Variants in CEACAM21 observed in about 807,000 individuals in gnomAD.
The protein encoded by CEACAM21 is cell adhesion molecule CEACAM21.
Under a neutral mutation model 33.2 loss-of-function variants are expected in CEACAM21, and 38 were observed. The ratio of observed to expected loss-of-function variants is 1.14; its 90% CI spans 0.88 to 1.50. The LOEUF (loss-of-function observed/expected upper bound fraction) is 1.50, where lower values mean the gene tolerates loss of function less well. CEACAM21 is among the 40% of genes most tolerant of loss of function. CEACAM21 has a pLI of 0.00. For missense variants in CEACAM21, 385 were observed against 364.6 expected (o/e 1.06, Z -0.46); for synonymous variants, 156 against 143.0 (o/e 1.09, Z -0.65).
intron 1 of CEACAM21, among the ~76,000 whole-genome samples, chr19:41,557,918 G>C (rs2041636803): frequency 6.6e-6 from 1 of 152,214 alleles, no homozygotes. Context: ...GGGTGGATGA[G>C]ATATTGGTTA....
At chr19:41,583,411 C>T (rs563442312) in intron 3 of CEACAM21, among the ~76,000 whole-genome samples, 72 of 152,340 alleles carry the variant, frequency 4.7e-4, no homozygotes, top group African/African-American at 1.7e-3. Context: ...GCCTGTTACC[C>T]AGTTCCAAAG....
At chr19:41,569,511 G>C (rs1057056291) in intron 2 of CEACAM21, among the ~76,000 whole-genome samples, 3 of 152,168 alleles carry the variant, frequency 2.0e-5, no homozygotes, top group Admixed American at 6.5e-5. Flanking sequence ...GGGATTGCGG[G>C]GGGCGGGTTG....
chr19:41,586,177 A>T lies in CEACAM21; in HGVS notation c.*1-287A>T, dbSNP rs1432925881. ...AGATTCCCCTACCCAGCACCAGGGC[A>T]GCTGCTCTCATCTATGAGGTGAGTG... On this transcript the variant is annotated intron_variant, in intron 6 of 6. Transcript: ENST00000401445. The T allele has an allele frequency of 2.6e-5, 15 of 585,134 alleles. No homozygotes were observed. In the African/African-American group the frequency reaches 2.6e-4, roughly 10 times the overall value. The allele number at this position is 585,134 out of a possible 1,614,324, so 36.2% of individuals were successfully genotyped here. A position where few individuals can be genotyped will look rare whatever the true frequency, so the allele number is the denominator to read the frequency against.
At chr19:41,573,866 A>G (rs1490829971), upstream of CEACAM21, among the ~76,000 whole-genome samples, 1 of 152,232 alleles carries the variant, frequency 6.6e-6, no homozygotes, top group African/African-American at 2.4e-5. Flanking sequence ...ATTGAACTAC[A>G]TCTTTTTTAA....
intron 1 of CEACAM21, among the ~76,000 whole-genome samples, chr19:41,560,902 G>A (rs900048061): frequency 2.0e-5 from 3 of 152,134 alleles, no homozygotes; most frequent in African/African-American, 7.2e-5. Flanking sequence ...AGACAAGGGT[G>A]TTCACCATCC....
chr19:41,559,373 A>G (rs1179555131), intron 1 of CEACAM21, among the ~76,000 whole-genome samples: 1 of 152,214 alleles, frequency 6.6e-6, no homozygotes, highest in East Asian at 1.9e-4. Context: ...TCTTACCAAA[A>G]ATGAAGACTT....
chr19:41,575,040 G>A (rs1470933994), upstream of CEACAM21, among the ~76,000 whole-genome samples: 5 of 152,168 alleles, frequency 3.3e-5, no homozygotes, highest in African/African-American at 9.7e-5. Flanking sequence ...ATGCTACGAC[G>A]TGGATGAATC....
rs1283462176 is a variant in CEACAM21, at chr19:41,585,874, A to G, written c.*3A>G. ...CCTCTGACAGCTCCATCTCCTAGGT[A>G]AGACTGTCCGTTCCCAATCCCATTT... On this transcript the variant is annotated splice_donor_region_variant and intron_variant, in intron 6 of 6. Transcript: ENST00000401445. The G allele has an allele frequency of 6.2e-7, 1 of 1,612,876 alleles. No homozygotes were observed. The highest frequency in any genetic ancestry group is 1.3e-5 in the African/African-American group (1 of 74,968).
At position 41,583,217 on chromosome 19, in the gene CEACAM21, A is replaced by G. The variant is rs377025791; in HGVS notation, c.701-1130A>G. On this transcript the variant is annotated intron_variant, in intron 3 of 6. Coordinates refer to ENST00000401445, the MANE Select transcript of CEACAM21 (RefSeq NM_001098506.4). ...CCACCAATCTCTTTTCTAGAGTATAACAAGAGTCACCTTTGTTCCAGTTCC... is the reference window on the plus strand; with the variant it reads ...CCACCAATCTCTTTTCTAGAGTATAGCAAGAGTCACCTTTGTTCCAGTTCC... Among the ~76,000 whole-genome samples the G allele has an allele frequency of 1.3e-4, 20 of 152,334 alleles. No homozygotes were observed. The East Asian group carries it at 3.3e-3, about 25-fold the overall frequency.
intron 2 of CEACAM21, among the ~76,000 whole-genome samples, chr19:41,566,966 A>C (rs1555788449): frequency 6.6e-6 from 1 of 152,192 alleles, no homozygotes; most frequent in African/African-American, 2.4e-5. Context: ...TCTCTGAATA[A>C]TTTTAAAATC....
At chr19:41,570,481 G>A (rs1344068192) in intron 2 of CEACAM21, among the ~76,000 whole-genome samples, 1 of 152,140 alleles carries the variant, frequency 6.6e-6, no homozygotes, top group Non-Finnish European at 1.5e-5. Flanking sequence ...GCAGTGCTAA[G>A]ATCCCTCTCC....
chr19:41,549,855 A>AT (rs566774468), intron 1 of CEACAM21, among the ~76,000 whole-genome samples: 2 of 151,294 alleles, frequency 1.3e-5, no homozygotes, highest in African/African-American at 2.4e-5. Flanking sequence ...ACCGTGCCCA[A>AT]TTTTTTTTTA....
At position 41,577,277 on chromosome 19, in the gene CEACAM21, G is replaced by A. The variant is rs937758696; in HGVS notation, c.142G>A (p.Gly48Arg). ...IASAPFEVAE[G>R]ENVHLSVVYL... Reference sequence around the variant, plus strand: ...ATCAGCGCCCTTTGAAGTTGCTGAAGGGGAGAATGTTCATCTCTCTGTGGT... The same window carrying A: ...ATCAGCGCCCTTTGAAGTTGCTGAAAGGGAGAATGTTCATCTCTCTGTGGT... The change falls in exon 2 of 7, where the codon GGG (glycine) becomes AGG (arginine). Residue 48 changes from glycine to arginine, a missense_variant. Coordinates refer to ENST00000401445, the MANE Select transcript of CEACAM21 (RefSeq NM_001098506.4). The A allele has an allele frequency of 3.7e-6, 6 of 1,614,024 alleles. No individual in the cohort carries two copies. Among genetic ancestry groups the A allele is most frequent in the Non-Finnish European group, 5.1e-6 (6 of 1,180,024 alleles).
chr19:41,578,770 T>C (rs1234619179), intron 2 of CEACAM21, among the ~76,000 whole-genome samples: 1 of 152,208 alleles, frequency 6.6e-6, no homozygotes, highest in African/African-American at 2.4e-5. Flanking sequence ...TCACTGGACG[T>C]GAAATCATGA....
At chr19:41,561,462 G>A (rs1334569507) in intron 1 of CEACAM21, among the ~76,000 whole-genome samples, 1 of 152,056 alleles carries the variant, frequency 6.6e-6, no homozygotes. Context: ...GGGGGAGAGA[G>A]AGAGAGAGTC....
At position 41,585,843 on chromosome 19, in the gene CEACAM21, A is replaced by G. The variant is rs1555795230; in HGVS notation, c.854A>G (p.His285Arg). The G allele has an allele frequency of 6.8e-6, 11 of 1,612,690 alleles. No homozygotes were observed. The highest frequency in any genetic ancestry group is 5.5e-5 in the South Asian group (5 of 90,672). Residue 285 changes from histidine (H) to arginine (R), a missense_variant, in exon 6 of 7, where the codon CAT (histidine) becomes CGT (arginine). Physicochemically the swap from His to Arg is conservative, Grantham distance 29 (BLOSUM62 0). Transcript: ENST00000401445. ...EQQPPASTPG[H>R]GPSDSSIS is the part of the protein sequence containing the mutation. ...TCACTTTTGTCTCTGTCCCCAGGCCATGGACCCTCTGACAGCTCCATCTCC... is the reference window on the plus strand; with the variant it reads ...TCACTTTTGTCTCTGTCCCCAGGCCGTGGACCCTCTGACAGCTCCATCTCC...
chr19:41,576,229 C>T lies in CEACAM21; in HGVS notation c.-46C>T. 6 of 1,609,766 alleles carry T rather than the reference C, an allele frequency of 3.7e-6. No homozygotes were observed. The highest frequency in any genetic ancestry group is 5.1e-6 in the Non-Finnish European group (6 of 1,176,244). The stretch of plus-strand genomic sequence containing the variant: ...AACCCTGTCTAGAGCGTTCCTGGAG[C>T]CCAAGCTCCTCTCCACAGAGGAGGA... On this transcript the variant is annotated 5_prime_UTR_variant, in exon 1 of 7. Coordinates refer to ENST00000401445, the MANE Select transcript of CEACAM21 (RefSeq NM_001098506.4).
upstream of CEACAM21, among the ~76,000 whole-genome samples, chr19:41,572,991 A>T (rs1028832323): frequency 6.6e-6 from 1 of 151,966 alleles, no homozygotes; most frequent in South Asian, 2.1e-4. Context: ...GCTCAGTAAG[A>T]CCCCAACCCT....
chr19:41,578,317 T>C (rs1466698498), intron 2 of CEACAM21, among the ~76,000 whole-genome samples: 4 of 151,876 alleles, frequency 2.6e-5, no homozygotes, highest in African/African-American at 7.3e-5. Flanking sequence ...TTTTTTTTTT[T>C]TGGAGTAAAA....
Sources: allele counts gnomAD v4.1 joint callset (sites outside exome capture counted in the v4.1 genomes callset), GRCh38; gene constraint gnomAD v4.1.1; transcripts MANE v1.5; gene names NCBI Gene and HGNC (gene_info 2026-07-23, HGNC 2026-07-21).